The following SLC2A4 variants were observed in gnomAD, a reference collection of about 807,000 sequenced individuals.
The protein encoded by SLC2A4 is solute carrier family 2 member 4, also known as solute carrier family 2, facilitated glucose transporter member 4.
SLC2A4 carries 31 observed loss-of-function variants against 53.3 expected under a neutral mutation model. That is an observed-to-expected ratio of 0.58 (90% confidence interval 0.44 to 0.78). The LOEUF is 0.78. Ranked by LOEUF, SLC2A4 falls within the 30% of genes least tolerant of loss-of-function variation. SLC2A4 has a pLI of 0.00. For missense variants in SLC2A4, 538 were observed against 655.7 expected, an observed-to-expected ratio of 0.82 and a Z score of 1.96; for synonymous variants, 276 against 281.9, an observed-to-expected ratio of 0.98 and a Z score of 0.21.
At chr17:7,286,043 C>A in intron 10 of SLC2A4, 135 bp downstream of exon 10, 1 of 771,122 alleles carries the variant, frequency 1.3e-6, no homozygotes, top group Non-Finnish European at 2.1e-6. Context: ...GGACCACCTG[C>A]TCCACAGAAT....
rs146787418 is a variant in SLC2A4 at position 7,284,031 on chromosome 17, G to A, written c.506G>A (p.Arg169Gln). The change falls in exon 5 of 11, where the codon CGG becomes CAG. Residue 169 changes from arginine to glutamine, a missense_variant. Transcript: ENST00000317370. This position sits in a 1 kb window ranked among gnomAD's most constrained non-coding sequence, Gnocchi z 7.5. Reference sequence around the variant, plus strand: ...GGGGAGATTGCTCCCACTCACCTGCGGGGCGCCCTGGGGACGCTCAACCAA... The same window carrying A: ...GGGGAGATTGCTCCCACTCACCTGCAGGGCGCCCTGGGGACGCTCAACCAA... The part of the protein sequence containing the change: ...YVGEIAPTHL[R>Q]GALGTLNQLA... 7 of 1,613,796 alleles carry A rather than the reference G, an allele frequency of 4.3e-6. No individual in the cohort carries two copies. The African/African-American group carries it at 6.7e-5, about 15-fold the overall frequency.
rs2072448664 is a variant in SLC2A4, at chr17:7,286,269, A to T, written c.1327-157A>T. On this transcript the variant is annotated intron_variant, in intron 10 of 10. Coordinates refer to ENST00000317370, the MANE Select transcript of SLC2A4 (RefSeq NM_001042.3). ...TCAGAGAATCCTCTTTTCAGTGTAA[A>T]TTCTCATTCCTGCTCATTTCCCTTG... is the stretch of plus-strand genomic sequence containing the variant. 3 of 762,144 alleles carry T rather than the reference A, an allele frequency of 3.9e-6. No individual in the cohort carries two copies. In the South Asian group the frequency reaches 4.2e-5, roughly 11 times the overall value. 47.2% of individuals were successfully genotyped at this position (762,144 alleles called of 1,614,324 possible).
At position 7,284,954 on chromosome 17, in the gene SLC2A4, C is replaced by G. The variant is rs1223426789; in HGVS notation, c.1020+15C>G. On this transcript the variant is annotated intron_variant, in intron 8 of 10. Transcript: ENST00000317370. This position sits in a 1 kb window ranked among gnomAD's most constrained non-coding sequence, Gnocchi z 7.5. ...CCTTGGTCTCGGTAACTGCTCACCT[C>G]TGGAATGGCCCGAGCCACTGGCTTC... 1 of 1,614,088 alleles carries G rather than the reference C, an allele frequency of 6.2e-7. No individual in the cohort carries two copies. Among genetic ancestry groups the G allele is most frequent in the Non-Finnish European group, 8.5e-7 (1 of 1,180,026 alleles).
Position 7,284,679 on chromosome 17 carries a change from G to A in SLC2A4, c.915+7G>A, listed in dbSNP as rs768870499. ...GCTCTCTGGCATCAATGCTGTATGT[G>A]TGGAGCAGCCTCCAGGCAGGGCACA... On this transcript the variant is annotated splice_region_variant and intron_variant, in intron 7 of 10. Transcript: ENST00000317370. This position sits in a 1 kb window ranked among gnomAD's most constrained non-coding sequence, Gnocchi z 7.5. The A allele has an allele frequency of 1.9e-6, 3 of 1,613,848 alleles. No individual in the cohort carries two copies. Among genetic ancestry groups the A allele is most frequent in the Non-Finnish European group, 2.5e-6 (3 of 1,179,976 alleles).
Position 7,285,889 on chromosome 17 carries a change from T to C in SLC2A4, c.1307T>C (p.Met436Thr). The C allele has an allele frequency of 6.2e-7, 1 of 1,613,998 alleles. No individual in the cohort carries two copies. The highest frequency in any genetic ancestry group is 1.3e-5 in the African/African-American group (1 of 75,032). Residue 436 changes from methionine (M) to threonine (T), a missense_variant, in exon 10 of 11, where the codon ATG (methionine) becomes ACG (threonine). Physicochemically the swap from Met to Thr is moderately conservative, Grantham distance 81 (BLOSUM62 -1). Coordinates refer to ENST00000317370, the MANE Select transcript of SLC2A4 (RefSeq NM_001042.3). This position sits in a 1 kb window ranked among gnomAD's most constrained non-coding sequence, Gnocchi z 6.0. ...SNWTSNFIIGMGFQYVAEAMG... is the reference protein window; with the variant it reads ...SNWTSNFIIGTGFQYVAEAMG... ...TGGACGAGCAACTTCATCATTGGCA[T>C]GGGTTTCCAGTATGTTGCGGTAGGT...
chr17:7,284,769 C>A lies in SLC2A4; in HGVS notation c.916-66C>A. On this transcript the variant is annotated intron_variant, in intron 7 of 10. Coordinates refer to ENST00000317370, the MANE Select transcript of SLC2A4 (RefSeq NM_001042.3). This position sits in a 1 kb window ranked among gnomAD's most constrained non-coding sequence, Gnocchi z 7.5. ...CCACCAACACCCAGGGTAGGGCCAG[C>A]CTGTTGTGGCTGGAGTAGAGGAAGG... 1 of 1,610,716 alleles carries A rather than the reference C, an allele frequency of 6.2e-7. No individual in the cohort carries two copies. Among genetic ancestry groups the A allele is most frequent in the Non-Finnish European group, 8.5e-7 (1 of 1,176,926 alleles).
rs1431207113 is a variant in SLC2A4, at chr17:7,284,988, G to C, written c.1020+49G>C. The C allele has an allele frequency of 6.2e-7, 1 of 1,614,146 alleles. No homozygotes were observed. The highest frequency in any genetic ancestry group is 8.5e-7 in the Non-Finnish European group (1 of 1,180,028). On this transcript the variant is annotated intron_variant, in intron 8 of 10. Coordinates refer to ENST00000317370, the MANE Select transcript of SLC2A4 (RefSeq NM_001042.3). This position sits in a 1 kb window ranked among gnomAD's most constrained non-coding sequence, Gnocchi z 7.5. ...CCCGAGCCACTGGCTTCACCTCCCT[G>C]GGTGTCCCGGAGGTCCTGCTCTTGG...
chr17:7,282,459 C>A lies in SLC2A4; in HGVS notation c.33+492C>A, dbSNP rs758412543. 4.4e-6 allele frequency: 2 copies of A among 452,446 alleles called. No homozygotes were observed. The highest frequency in any genetic ancestry group is 8.9e-6 in the Non-Finnish European group (2 of 224,980). 28.0% of individuals were successfully genotyped at this position (452,446 alleles called of 1,614,324 possible). On this transcript the variant is annotated intron_variant, in intron 1 of 10. Transcript: ENST00000317370. This position sits in a 1 kb window ranked among gnomAD's most constrained non-coding sequence, Gnocchi z 4.1. ...GTGGAGGGGCAGAGGGGACTGTCAG[C>A]CCCCCCTCCTCCAGCTCAGGTTTCC...
Position 7,283,599 on chromosome 17 carries a change from A to T in SLC2A4, c.277A>T (p.Met93Leu), listed in dbSNP as rs1201730133. The T allele has an allele frequency of 6.2e-7, 1 of 1,613,958 alleles. No individual in the cohort carries two copies. The highest frequency in any genetic ancestry group is 2.2e-5 in the East Asian group (1 of 44,858). Residue 93 changes from methionine to leucine, a missense_variant, in exon 3 of 11, where the codon ATG becomes TTG. By Grantham distance (15) the Met-to-Leu change is conservative. Transcript: ENST00000317370. This position sits in a 1 kb window ranked among gnomAD's most constrained non-coding sequence, Gnocchi z 5.8. ...CGTGGCCATCTTTTCCGTGGGCGGC[A>T]TGATTTCCTCCTTCCTCATTGGTAT... ...LSVAIFSVGG[M>L]ISSFLIGIIS...
Position 7,285,139 on chromosome 17 carries a change from GC to G in SLC2A4, c.1073del (p.Ala358GlyfsTer9). The G allele has an allele frequency of 6.2e-7, 1 of 1,604,606 alleles. No homozygotes were observed. Among genetic ancestry groups the G allele is most frequent in the East Asian group, 2.2e-5 (1 of 44,618 alleles). On this transcript the variant is annotated frameshift_variant, in exon 9 of 11. Coordinates refer to ENST00000317370, the MANE Select transcript of SLC2A4 (RefSeq NM_001042.3). LOFTEE classifies it high-confidence loss of function. This position sits in a 1 kb window ranked among gnomAD's most constrained non-coding sequence, Gnocchi z 6.0. Reference sequence around the variant, plus strand: ...CCGGACGCTCCATCTCCTGGGCCTGGCGGGCATGTGTGGCTGTGCCATCCTG... The same window carrying G: ...CCGGACGCTCCATCTCCTGGGCCTGGGGGCATGTGTGGCTGTGCCATCCTG... ...GRRTLHLLGL[A>X]GMCGCAILMT...
chr17:7,286,481 T>C lies in SLC2A4; in HGVS notation c.1382T>C (p.Phe461Ser), dbSNP rs755856671. Reference protein sequence around the residue: ...LLFAVLLLGFFIFTFLRVPET... With the variant: ...LLFAVLLLGFSIFTFLRVPET... ...TTTGCGGTCCTCCTGCTGGGCTTCT[T>C]CATCTTCACCTTCTTAAGAGTACCT... The change falls in exon 11 of 11, where the codon TTC (phenylalanine) becomes TCC (serine). Residue 461 changes from phenylalanine (F) to serine (S), a missense_variant. Physicochemically the swap from Phe to Ser is radical, Grantham distance 155. Coordinates refer to ENST00000317370, the MANE Select transcript of SLC2A4 (RefSeq NM_001042.3). 3.1e-6 allele frequency: 5 copies of C among 1,614,068 alleles called. No individual in the cohort carries two copies. In the African/African-American group the frequency reaches 5.3e-5, roughly 17 times the overall value.
rs747448696 is a variant in SLC2A4 at position 7,285,091 on chromosome 17, T to G, written c.1024T>G (p.Leu342Val). Residue 342 changes from leucine to valine, a missense_variant, in exon 9 of 11, where the codon TTG becomes GTG. Physicochemically the swap from Leu to Val is conservative, Grantham distance 32 (BLOSUM62 1). Coordinates refer to ENST00000317370, the MANE Select transcript of SLC2A4 (RefSeq NM_001042.3). This position sits in a 1 kb window ranked among gnomAD's most constrained non-coding sequence, Gnocchi z 6.0. Reference protein sequence around the residue: ...VNTVFTLVSVLLVERAGRRTL... With the variant: ...VNTVFTLVSVVLVERAGRRTL... ...CAAGCTCCGACTCTCCCCGCAGGTG[T>G]TGTTGGTGGAGCGGGCGGGGCGCCG... 1.2e-5 allele frequency: 20 copies of G among 1,607,060 alleles called. No homozygotes were observed. Among genetic ancestry groups the G allele is most frequent in the African/African-American group, 8.0e-5 (6 of 74,996 alleles).
rs1192086395 is a variant in SLC2A4 at position 7,284,692 on chromosome 17, C to T, written c.915+20C>T. 2 of 1,613,478 alleles carry T rather than the reference C, an allele frequency of 1.2e-6. No individual in the cohort carries two copies. The highest frequency in any genetic ancestry group is 2.7e-5 in the African/African-American group (2 of 74,940). On this transcript the variant is annotated intron_variant, in intron 7 of 10. Transcript: ENST00000317370. This position sits in a 1 kb window ranked among gnomAD's most constrained non-coding sequence, Gnocchi z 7.5. ...AATGCTGTATGTGTGGAGCAGCCTC[C>T]AGGCAGGGCACAGCCCCGGGAGGGT...
At position 7,283,713 on chromosome 17, in the gene SLC2A4, C is replaced by T. The variant is rs368295278; in HGVS notation, c.324-25C>T. 1.2e-6 allele frequency: 2 copies of T among 1,613,862 alleles called. No individual in the cohort carries two copies. The highest frequency in any genetic ancestry group is 2.7e-5 in the African/African-American group (2 of 74,938). On this transcript the variant is annotated intron_variant, in intron 3 of 10. Transcript: ENST00000317370. The surrounding 1 kb of genome is among the most constrained non-coding windows in gnomAD (Gnocchi z 5.8). ...CCACTGCTGGGTGCCCTCACCCTCA[C>T]AGCCTCACTCTGTCTGCCTGCCAGG...
rs1429398636 is a variant in SLC2A4, at chr17:7,281,920, C to T, written c.-15C>T. 6.2e-7 allele frequency: 1 copy of T among 1,602,406 alleles called. No individual in the cohort carries two copies. The highest frequency in any genetic ancestry group is 8.5e-7 in the Non-Finnish European group (1 of 1,174,140). ...ATCTTCGCCGCCCCTGCGCGTCCAG[C>T]TCTTCTAAGACGAGATGCCGTCGGG... On this transcript the variant is annotated 5_prime_UTR_variant, in exon 1 of 11. Transcript: ENST00000317370.
rs1019827262 is a variant in SLC2A4 at position 7,286,152 on chromosome 17, A to G, written c.1326+244A>G. 5 of 615,300 alleles carry G rather than the reference A, an allele frequency of 8.1e-6. No homozygotes were observed. The Admixed American group carries it at 8.7e-5, about 11-fold the overall frequency. 38.1% of individuals were successfully genotyped at this position (615,300 alleles called of 1,614,324 possible). ...CCTTACTCCAAGAATAAAATGATACACTTTGCATTAATACTACAAACAGCT... is the reference window on the plus strand; with the variant it reads ...CCTTACTCCAAGAATAAAATGATACGCTTTGCATTAATACTACAAACAGCT... On this transcript the variant is annotated intron_variant, in intron 10 of 10. Transcript: ENST00000317370.
rs769640099 is a variant in SLC2A4 at position 7,284,583 on chromosome 17, C to T, written c.826C>T (p.Leu276Phe). The T allele has an allele frequency of 3.1e-6, 5 of 1,614,090 alleles. No homozygotes were observed. In the South Asian group the frequency reaches 5.5e-5, roughly 18 times the overall value. ...GGAGCGTGAGCGGCCACTGTCCCTG[C>T]TCCAGCTCCTGGGCAGCCGTACCCA... ...KLERERPLSL[L>F]QLLGSRTHRQ... is the part of the protein sequence containing the mutation. The change falls in exon 7 of 11, where the codon CTC (leucine) becomes TTC (phenylalanine). Residue 276 changes from leucine (L) to phenylalanine (F), a missense_variant. Transcript: ENST00000317370. The surrounding 1 kb of genome is among the most constrained non-coding windows in gnomAD (Gnocchi z 7.5).
Position 7,282,051 on chromosome 17 carries a change from G to A in SLC2A4, c.33+84G>A. 2.5e-6 allele frequency: 3 copies of A among 1,201,750 alleles called. No homozygotes were observed. Among genetic ancestry groups the A allele is most frequent in the Non-Finnish European group, 3.6e-6 (3 of 825,710 alleles). The allele number at this position is 1,201,750 out of a possible 1,614,324, so 74.4% of individuals were successfully genotyped here. A position where few individuals can be genotyped will look rare whatever the true frequency, so the allele number is the denominator to read the frequency against. ...GGGGTCGCGGTTGGGGTCAGCTGGGGGTGGTTCCTGCGCAGGCGCAGGGGG... is the reference window on the plus strand; with the variant it reads ...GGGGTCGCGGTTGGGGTCAGCTGGGAGTGGTTCCTGCGCAGGCGCAGGGGG... On this transcript the variant is annotated intron_variant, in intron 1 of 10. Coordinates refer to ENST00000317370, the MANE Select transcript of SLC2A4 (RefSeq NM_001042.3). This position sits in a 1 kb window ranked among gnomAD's most constrained non-coding sequence, Gnocchi z 4.1.
rs758536531 is a variant in SLC2A4, at chr17:7,285,675, G to A, written c.1123-30G>A. 4 of 1,610,500 alleles carry A rather than the reference G, an allele frequency of 2.5e-6. No homozygotes were observed. The highest frequency in any genetic ancestry group is 2.5e-6 in the Non-Finnish European group (3 of 1,176,752). The stretch of plus-strand genomic sequence containing the variant: ...GGGAAGATCAGAAAGGCCTCAACTG[G>A]ATTCTCCACCCTCCCTGTCTGGCCC... On this transcript the variant is annotated intron_variant, in intron 9 of 10. Transcript: ENST00000317370. The surrounding 1 kb of genome is among the most constrained non-coding windows in gnomAD (Gnocchi z 6.0).
Sources: allele counts gnomAD v4.1 joint callset, GRCh38; gene constraint gnomAD v4.1.1; non-coding constraint Gnocchi (gnomAD v3.1); transcripts MANE v1.5; gene names NCBI Gene and HGNC (gene_info 2026-07-23, HGNC 2026-07-21).